Variants in DLG2 observed in about 807,000 individuals in gnomAD.
DLG2 encodes the protein disks large homolog 2.
In DLG2, 45 loss-of-function variants were observed where a neutral mutation model predicts 132.5. That is an observed-to-expected ratio of 0.34 (90% CI 0.27 to 0.44). The LOEUF is 0.44. Among genes scored for constraint, DLG2 ranks in the 20% least tolerant of loss-of-function variants. The pLI is 1.00. For synonymous variants in DLG2, 424 were observed against 419.6 expected (o/e 1.01, Z -0.13); for missense variants, 1,045 against 1,196.9 (o/e 0.87, Z 1.87).
At chr11:84,928,800 C>A (rs974886220) in intron 6 of DLG2, among the ~76,000 whole-genome samples, 1 of 151,038 alleles carries the variant, frequency 6.6e-6, no homozygotes, top group South Asian at 2.1e-4. Flanking sequence ...AAAATTTCCA[C>A]AAAAGTATCC....
intron 14 of DLG2, among the ~76,000 whole-genome samples, chr11:83,937,235 C>T (rs1230087720): frequency 4.6e-5 from 7 of 151,966 alleles, no homozygotes; most frequent in Non-Finnish European, 8.8e-5. Context: ...CAGCCGGGCG[C>T]GGTGGCTCAT....
intron 6 of DLG2, among the ~76,000 whole-genome samples, chr11:85,007,666 A>G (rs1485751959): frequency 1.9e-4 from 3 of 16,172 alleles, no homozygotes; most frequent in Admixed American, 1.2e-3. Context: ...CTCCGTCTCA[A>G]AAAAAAAAAA....
chr11:85,233,010 C>G (rs917877367), intron 4 of DLG2, among the ~76,000 whole-genome samples: 1 of 151,766 alleles, frequency 6.6e-6, no homozygotes, highest in Non-Finnish European at 1.5e-5. Flanking sequence ...TCTTTCCATG[C>G]GTTATGTTTA....
chr11:84,527,413 C>T (rs1392802866), intron 7 of DLG2, among the ~76,000 whole-genome samples: 2 of 152,142 alleles, frequency 1.3e-5, no homozygotes, highest in African/African-American at 4.8e-5. Flanking sequence ...TGCTTCAGCT[C>T]TCCTCCTATA....
At chr11:83,469,123 G>C in intron 25 of DLG2, 78 bp downstream of exon 25, 4 of 1,001,738 alleles carry the variant, frequency 4.0e-6, no homozygotes, top group Non-Finnish European at 4.3e-6. Flanking sequence ...AAAGAGTAAT[G>C]ACCAAAAAAA....
chr11:84,470,536 A>C (rs1448679871), intron 7 of DLG2, among the ~76,000 whole-genome samples: 1 of 151,822 alleles, frequency 6.6e-6, no homozygotes, highest in Non-Finnish European at 1.5e-5. Flanking sequence ...GGAAGACTTC[A>C]ATAAATATAT....
At chr11:83,461,761 T>G in intron 27 of DLG2, 5 of 458,480 alleles carry the variant, frequency 1.1e-5, no homozygotes, top group South Asian at 3.4e-5. Flanking sequence ...CTCCTGCCCA[T>G]GGTTTTGGGT....
chr11:83,880,740 T>C (rs912492983), intron 15 of DLG2, among the ~76,000 whole-genome samples: 3 of 152,174 alleles, frequency 2.0e-5, no homozygotes, highest in African/African-American at 7.2e-5. Context: ...TTGAATTTGA[T>C]TTTGTACAAG....
chr11:83,701,772 C>T (rs1377434284), intron 18 of DLG2, among the ~76,000 whole-genome samples: 2 of 152,124 alleles, frequency 1.3e-5, no homozygotes, highest in African/African-American at 4.8e-5. Context: ...ACTGGGATAA[C>T]CTGTCGTGGT....
At chr11:84,174,448 T>A (rs1215281508) in intron 8 of DLG2, among the ~76,000 whole-genome samples, 1 of 152,148 alleles carries the variant, frequency 6.6e-6, no homozygotes, top group Non-Finnish European at 1.5e-5. Flanking sequence ...ATACCCTGTT[T>A]CTCATCTTCA....
At chr11:84,705,223 A>G (rs1004679503) in intron 6 of DLG2, among the ~76,000 whole-genome samples, 2 of 151,700 alleles carry the variant, frequency 1.3e-5, no homozygotes, top group Admixed American at 6.6e-5. Context: ...GGAGAAGACA[A>G]TGGTGCTGAG....
chr11:85,178,049 A>G (rs2079424228), intron 4 of DLG2, among the ~76,000 whole-genome samples: 1 of 152,088 alleles, frequency 6.6e-6, no homozygotes, highest in Non-Finnish European at 1.5e-5. Flanking sequence ...TGAAAACTAA[A>G]TGCAATGTAT....
intron 18 of DLG2, among the ~76,000 whole-genome samples, chr11:83,730,145 G>GTTTTTTTTTTTT (rs2090739546): frequency 8.4e-6 from 1 of 118,934 alleles, no homozygotes. Flanking sequence ...GTTTTTTTAT[G>GTTTTTTTTTTTT]GTTTTTTTTT....
intron 6 of DLG2, among the ~76,000 whole-genome samples, chr11:84,639,669 A>G (rs1040730081): frequency 9.9e-5 from 15 of 152,062 alleles, no homozygotes; most frequent in Admixed American, 2.0e-4. Context: ...CCTAATTTCA[A>G]ACATTATTAG....
chr11:83,644,286 C>T (rs1408393381), intron 18 of DLG2, among the ~76,000 whole-genome samples: 1 of 152,096 alleles, frequency 6.6e-6, no homozygotes, highest in Non-Finnish European at 1.5e-5. Context: ...TCTCCCTCTT[C>T]CTGATAAGAA....
At chr11:84,088,713 A>G (rs925252538) in intron 10 of DLG2, among the ~76,000 whole-genome samples, 2 of 152,250 alleles carry the variant, frequency 1.3e-5, no homozygotes, top group East Asian at 3.8e-4. Flanking sequence ...AGAGAAAATC[A>G]AAAGAGAGGG....
intron 18 of DLG2, among the ~76,000 whole-genome samples, chr11:83,781,787 A>G (rs2094839822): frequency 6.6e-6 from 1 of 152,174 alleles, no homozygotes; most frequent in Admixed American, 6.5e-5. Context: ...CCAAGTCAAT[A>G]TCTGTGGCTT....
intron 3 of DLG2, among the ~76,000 whole-genome samples, chr11:85,358,615 A>T (rs1364281122): frequency 6.6e-6 from 1 of 152,338 alleles, no homozygotes; most frequent in Admixed American, 6.5e-5. Flanking sequence ...AATTTAGCAC[A>T]TGCTATATAT....
intron 6 of DLG2, among the ~76,000 whole-genome samples, chr11:84,810,268 A>G (rs2076414047): frequency 6.6e-6 from 1 of 152,130 alleles, no homozygotes; most frequent in Non-Finnish European, 1.5e-5. Flanking sequence ...TCAACAAAGT[A>G]AAATAATCCA....
Sources: allele counts gnomAD v4.1 joint callset (sites outside exome capture counted in the v4.1 genomes callset), GRCh38; gene constraint gnomAD v4.1.1; transcripts MANE v1.5; gene names NCBI Gene and HGNC (gene_info 2026-07-23, HGNC 2026-07-21).